Variants in KLHL5 observed in about 807,000 individuals in gnomAD.
KLHL5 encodes kelch like family member 5.
A neutral mutation model predicts 77.7 loss-of-function variants in KLHL5; 48 were observed. The observed-to-expected ratio is 0.62, with a 90% CI of 0.49 to 0.79. The LOEUF is 0.79. Ranked by LOEUF, KLHL5 falls within the 30% of genes least tolerant of loss-of-function variation. The pLI, the probability that KLHL5 is intolerant of heterozygous loss-of-function variation, is 0.00. For missense variants in KLHL5, 723 were observed against 859.7 expected (o/e 0.84, Z 1.99); for synonymous variants, 260 against 297.0 (o/e 0.88, Z 1.28).
the KLHL5 span, among the ~76,000 whole-genome samples, chr4:39,132,650 G>T: frequency 6.6e-6 from 1 of 151,864 alleles, no homozygotes. Flanking sequence ...TCTAGGCCTT[G>T]ATATTTTCAT....
intron 1 of KLHL5, among the ~76,000 whole-genome samples, chr4:39,071,161 A>G (rs1389601311): frequency 6.6e-6 from 1 of 152,274 alleles, no homozygotes; most frequent in East Asian, 1.9e-4. Context: ...TGAAAAGGAT[A>G]TGTATCAAAT....
At chr4:39,082,194 C>T (rs1440155270) in intron 4 of KLHL5, 35 bp downstream of exon 4, 2 of 1,468,604 alleles carry the variant, frequency 1.4e-6, no homozygotes, top group East Asian at 4.6e-5. Context: ...AGTCGATCCT[C>T]CATATGCATA....
At position 39,103,406 on chromosome 4, in the gene KLHL5, G is replaced by A. The variant is rs1165658203; in HGVS notation, c.1420G>A (p.Gly474Arg). The change falls in exon 7 of 11, where the codon GGA (glycine) becomes AGA (arginine). Residue 474 changes from glycine (G) to arginine (R), a missense_variant. Around this residue, in one of 3 missense-constraint regions of KLHL5, gnomAD observed 288 missense variants for 400.3 expected, o/e 0.72. Coordinates refer to ENST00000504108, the MANE Select transcript of KLHL5 (RefSeq NM_015990.5). ...AVLDDKLYVV[G>R]GRDGLKTLNT... ...GCTAGATGACAAACTGTATGTGGTT[G>A]GAGGAAGAGATGGACTGAAGACTTT... The A allele has an allele frequency of 3.1e-6, 5 of 1,614,164 alleles. No individual in the cohort carries two copies. The highest frequency in any genetic ancestry group is 4.2e-6 in the Non-Finnish European group (5 of 1,180,008).
intron 5 of KLHL5, among the ~76,000 whole-genome samples, chr4:39,088,818 A>G (rs374344232): frequency 7.2e-5 from 11 of 152,292 alleles, no homozygotes; most frequent in African/African-American, 2.4e-4. Flanking sequence ...AGGAGCTTGT[A>G]CTTCATCATG....
At position 39,107,658 on chromosome 4, in the gene KLHL5, G is replaced by A; in HGVS notation, c.1615G>A (p.Ala539Thr). ...CACAGTGGAAAGATGGGACCCTCAGGCTCGCCAGTGGAATTTTGTTGCCAC... is the reference window on the plus strand; with the variant it reads ...CACAGTGGAAAGATGGGACCCTCAGACTCGCCAGTGGAATTTTGTTGCCAC... ...LNTVERWDPQARQWNFVATMS... is the reference protein window; with the variant it reads ...LNTVERWDPQTRQWNFVATMS... Residue 539 changes from alanine (A) to threonine (T), a missense_variant, in exon 8 of 11, where the codon GCT (alanine) becomes ACT (threonine). Physicochemically the swap from Ala to Thr is moderately conservative, Grantham distance 58 (BLOSUM62 0). Transcript: ENST00000504108. The A allele has an allele frequency of 1.2e-6, 2 of 1,612,678 alleles. No individual in the cohort carries two copies.
At chr4:39,137,869 A>G in the KLHL5 span, among the ~76,000 whole-genome samples, 2 of 152,228 alleles carry the variant, frequency 1.3e-5, no homozygotes, top group African/African-American at 2.4e-5. Context: ...AAACAAATTT[A>G]CAAGAAAAAA....
chr4:39,069,430 T>A (rs7673329), intron 1 of KLHL5, among the ~76,000 whole-genome samples: 2 of 30,512 alleles, frequency 6.6e-5, no homozygotes, highest in East Asian at 8.5e-4. Flanking sequence ...TATTAACATT[T>A]TATATATATA....
chr4:39,141,039 G>C, the KLHL5 span, among the ~76,000 whole-genome samples: 5 of 152,130 alleles, frequency 3.3e-5, no homozygotes, highest in African/African-American at 1.2e-4. Flanking sequence ...AGCCAATGAA[G>C]GGAAAAGCTT....
chr4:39,141,340 G>A, the KLHL5 span, among the ~76,000 whole-genome samples: 14 of 115,698 alleles, frequency 1.2e-4, no homozygotes, highest in South Asian at 3.0e-3. Context: ...ATGGAGTCTC[G>A]CTTTGTTGCC....
At chr4:39,130,451 G>A (rs746905413), downstream of KLHL5, among the ~76,000 whole-genome samples, 34 of 152,174 alleles carry the variant, frequency 2.2e-4, no homozygotes, top group African/African-American at 5.6e-4. Context: ...CAGTGTGGGC[G>A]TTATGGCCAT....
chr4:39,119,899 C>A (rs115971970), intron 10 of KLHL5, among the ~76,000 whole-genome samples: 325 of 146,638 alleles, frequency 2.2e-3, no homozygotes, highest in African/African-American at 7.4e-3. Flanking sequence ...TTCGATAATG[C>A]TATCAATAAG....
chr4:39,115,601 G>A (rs757343625), intron 10 of KLHL5: 93 of 1,421,742 alleles, frequency 6.5e-5, no homozygotes, highest in Non-Finnish European at 8.4e-5. Flanking sequence ...CCTGATTAAA[G>A]CTGATAGGAC....
chr4:39,112,843 GA>G, intron 8 of KLHL5, 176 bp from the exon 9 acceptor site: 1 of 597,046 alleles, frequency 1.7e-6, no homozygotes, highest in South Asian at 2.0e-5. Context: ...AGTGATATAT[GA>G]TACTTACATG....
chr4:39,106,498 A>G (rs987808191), intron 7 of KLHL5, among the ~76,000 whole-genome samples: 2 of 152,238 alleles, frequency 1.3e-5, no homozygotes, highest in African/African-American at 4.8e-5. Context: ...GTAGACATGC[A>G]GTAGGTATTT....
At chr4:39,048,638 CTTTT>C (rs34713116) in intron 1 of KLHL5, among the ~76,000 whole-genome samples, 2 of 79,134 alleles carry the variant, frequency 2.5e-5, no homozygotes, top group Non-Finnish European at 4.4e-5. Context: ...TTTACATTGG[CTTTT>C]TTTTTTTTTT....
intron 1 of KLHL5, among the ~76,000 whole-genome samples, chr4:39,045,474 T>C (rs1245045387): frequency 1.3e-5 from 2 of 151,888 alleles, no homozygotes; most frequent in African/African-American, 2.4e-5. Flanking sequence ...TAAAACAAAC[T>C]GGAAACCATT....
chr4:39,093,148 C>T (rs984533408), intron 5 of KLHL5: 5 of 455,466 alleles, frequency 1.1e-5, no homozygotes, highest in East Asian at 1.4e-4. Context: ...AGGAGTACCC[C>T]GATGGTGGAA....
chr4:39,138,245 T>C, the KLHL5 span, among the ~76,000 whole-genome samples: 1 of 152,156 alleles, frequency 6.6e-6, no homozygotes, highest in African/African-American at 2.4e-5. Context: ...AGCAATACCA[T>C]TACTGGGTAT....
At chr4:39,068,437 C>CTGTGTGTGTGTGTGTGTG (rs71192818) in intron 1 of KLHL5, among the ~76,000 whole-genome samples, 104 of 147,964 alleles carry the variant, frequency 7.0e-4, no homozygotes, top group African/African-American at 2.4e-3. Flanking sequence ...CCAGAAAACA[C>CTGTGTGTGTGTGTGTGTG]TGTGTGTGTG....
Sources: allele counts gnomAD v4.1 joint callset (sites outside exome capture counted in the v4.1 genomes callset), GRCh38; gene constraint gnomAD v4.1.1; regional missense constraint gnomAD v4.1.1; transcripts MANE v1.5; gene names NCBI Gene and HGNC (gene_info 2026-07-23, HGNC 2026-07-21).